Variants in PNPLA8 observed in about 807,000 individuals in gnomAD.
PNPLA8 encodes the protein patatin like domain 8, phospholipase A2.
PNPLA8 carries 39 observed loss-of-function variants against 76.9 expected under a neutral mutation model. The ratio of observed to expected loss-of-function variants is 0.51; its 90% CI spans 0.39 to 0.66. PNPLA8 has a LOEUF of 0.66. Among genes scored for constraint, PNPLA8 ranks in the 30% least tolerant of loss-of-function variants. PNPLA8 has a pLI of 0.00. For missense variants in PNPLA8, 887 were observed against 918.0 expected (o/e 0.97, Z 0.44); for synonymous variants, 301 against 307.9 (o/e 0.98, Z 0.24).
chr7:108,480,723 T>C, intron 9 of PNPLA8: 1 of 421,908 alleles, frequency 2.4e-6, no homozygotes, highest in East Asian at 7.3e-5. Context: ...AGCAGCTCAT[T>C]TCATTGTAAA....
chr7:108,521,308 A>G (rs1048053329), intron 2 of PNPLA8, among the ~76,000 whole-genome samples, 168 bp downstream of exon 2: 1 of 152,226 alleles, frequency 6.6e-6, no homozygotes, highest in African/African-American at 2.4e-5. Flanking sequence ...TGTGCTAGCT[A>G]CAAACACACC....
intron 2 of PNPLA8, among the ~76,000 whole-genome samples, chr7:108,516,365 C>T (rs1055157882): frequency 6.6e-6 from 1 of 152,044 alleles, no homozygotes; most frequent in African/African-American, 2.4e-5. Flanking sequence ...TACAATGGGG[C>T]AAAAATAGTC....
chr7:108,511,056 A>AG lies in PNPLA8; in HGVS notation c.1206+3087_1206+3088insC, dbSNP rs370961829. ...CTCAAATTGGAAAAAAAAAAAAAAA[A>AG]AAAGAAAACTGGTAACTAAATACAA... On this transcript the variant is annotated intron_variant, in intron 4 of 10. Coordinates refer to ENST00000257694, the MANE Select transcript of PNPLA8 (RefSeq NM_001256007.3). 8.5e-3 allele frequency: 5,464 copies of AG among 643,750 alleles called. 21 individuals are homozygous for AG. Among genetic ancestry groups the AG allele is most frequent in the Non-Finnish European group, 0.011 (4,099 of 383,888 alleles). The allele number at this position is 643,750 out of a possible 1,614,324, so 39.9% of individuals were successfully genotyped here. A position where few individuals can be genotyped will look rare whatever the true frequency, so the allele number is the denominator to read the frequency against.
chr7:108,506,891 T>C (rs1862472053), intron 4 of PNPLA8, among the ~76,000 whole-genome samples: 2 of 152,184 alleles, frequency 1.3e-5, no homozygotes, highest in Admixed American at 6.5e-5. Context: ...ATGTATTTCA[T>C]GTGTGAAAAA....
At chr7:108,510,273 C>T in intron 4 of PNPLA8, 1 of 1,578,782 alleles carries the variant, frequency 6.3e-7, no homozygotes, top group Non-Finnish European at 8.6e-7. Flanking sequence ...CCTGCTGTGC[C>T]AGAAACCCTT....
chr7:108,502,592 A>C lies in PNPLA8; in HGVS notation c.1257T>G (p.Thr419=). ...AAATTTCTCTAACTGCAGCCTGAAG[A>C]GTTTCATCCTTAATTTGTCTCAGTC... is the stretch of plus-strand genomic sequence containing the variant. ...LLRLRQIKDE[T]LQAAVREILA... is the part of the protein sequence containing the mutation. The change falls in exon 5 of 11, where the codon ACT becomes ACG. Residue 419 remains threonine (T), a synonymous_variant. Coordinates refer to ENST00000257694, the MANE Select transcript of PNPLA8 (RefSeq NM_001256007.3). The C allele has an allele frequency of 6.2e-7, 1 of 1,611,744 alleles. No individual in the cohort carries two copies. Among genetic ancestry groups the C allele is most frequent in the African/African-American group, 1.3e-5 (1 of 74,978 alleles).
chr7:108,493,286 A>G (rs1861317125), intron 7 of PNPLA8, among the ~76,000 whole-genome samples: 1 of 152,170 alleles, frequency 6.6e-6, no homozygotes, highest in Admixed American at 6.5e-5. Context: ...ATGCAAAGAT[A>G]CTCTCATAAG....
chr7:108,512,265 T>TTA (rs1173945984), intron 4 of PNPLA8, among the ~76,000 whole-genome samples: 1 of 152,232 alleles, frequency 6.6e-6, no homozygotes, highest in Non-Finnish European at 1.5e-5. Context: ...AAATAAACTC[T>TTA]AATACATTAC....
rs745346862 is a variant in PNPLA8 at position 108,514,979 on chromosome 7, T to C, written c.513A>G (p.Pro171=). ...SDKSAEKSPF[P]EEKSHIIDKE... is the part of the protein sequence containing the mutation. ...TGTCTATAATGTGACTTTTCTCTTC[T>C]GGAAAAGGACTCTTTTCTGCTGATT... The change falls in exon 3 of 11, where the codon CCA becomes CCG. Residue 171 remains proline (P), a synonymous_variant. Coordinates refer to ENST00000257694, the MANE Select transcript of PNPLA8 (RefSeq NM_001256007.3). 1.4e-5 allele frequency: 23 copies of C among 1,608,496 alleles called. No individual in the cohort carries two copies. Among genetic ancestry groups the C allele is most frequent in the Non-Finnish European group, 1.5e-5 (18 of 1,179,410 alleles).
chr7:108,483,405 G>A (rs1860535444), intron 9 of PNPLA8, among the ~76,000 whole-genome samples: 1 of 152,170 alleles, frequency 6.6e-6, no homozygotes, highest in African/African-American at 2.4e-5. Context: ...ATTTTAGCAT[G>A]GGTGGTTTGT....
rs912647726 is a variant in PNPLA8 at position 108,514,670 on chromosome 7, C to T, written c.822G>A (p.Ala274=). The T allele has an allele frequency of 1.2e-5, 19 of 1,613,756 alleles. No individual in the cohort carries two copies. The Admixed American group carries it at 1.5e-4, about 13-fold the overall frequency. The change falls in exon 3 of 11, where the codon GCG becomes GCA. Residue 274 remains alanine (A), a synonymous_variant. Coordinates refer to ENST00000257694, the MANE Select transcript of PNPLA8 (RefSeq NM_001256007.3). ...TTGAAACTTGAAGAACATCAGGTATCGCAGAAGGACTTGTAGGCTTGTCCA... is the reference window on the plus strand; with the variant it reads ...TTGAAACTTGAAGAACATCAGGTATTGCAGAAGGACTTGTAGGCTTGTCCA... ...HTVDKPTSPS[A]IPDVLQVSTK...
At position 108,515,380 on chromosome 7, in the gene PNPLA8, A is replaced by G; in HGVS notation, c.112T>C (p.Tyr38His). 1 of 1,613,494 alleles carries G rather than the reference A, an allele frequency of 6.2e-7. No homozygotes were observed. Among genetic ancestry groups the G allele is most frequent in the South Asian group, 1.1e-5 (1 of 91,046 alleles). Residue 38 changes from tyrosine to histidine, a missense_variant, in exon 3 of 11, where the codon TAC becomes CAC. Tyr to His is a moderately conservative substitution (Grantham distance 83). Transcript: ENST00000257694. ...AGACTGATGTGGCTTATCCTCCAGT[A>G]ATGCTTAGGTGAGAACAAGAAATAC... is the stretch of plus-strand genomic sequence containing the variant. ...QLYFLFSPKH[Y>H]WRISHISLQR...
intron 4 of PNPLA8, among the ~76,000 whole-genome samples, chr7:108,506,080 T>A (rs985612300): frequency 6.6e-6 from 1 of 152,094 alleles, no homozygotes; most frequent in African/African-American, 2.4e-5. Context: ...CTGCTCAAAT[T>A]AAAAAGATTT....
At chr7:108,502,465 A>AG in intron 5 of PNPLA8, 26 bp downstream of exon 5, 1 of 1,470,018 alleles carries the variant, frequency 6.8e-7, no homozygotes. Flanking sequence ...AAAAAAAAAA[A>AG]AAAAGAATCA....
In PNPLA8 at chr7:108,514,783, C is replaced by G; in HGVS notation, c.709G>C (p.Glu237Gln). ...TTCCCCTCTTCTACCTTTTTATCTT[C>G]AAGTTCTGATTTGTCCCGGAAATGT... Reference protein sequence around the residue: ...NEHFRDKSELEDKKVEEGKLR... With the variant: ...NEHFRDKSELQDKKVEEGKLR... Residue 237 changes from glutamate (E) to glutamine (Q), a missense_variant, in exon 3 of 11, where the codon GAA becomes CAA. Glu to Gln is a conservative substitution (Grantham distance 29). Coordinates refer to ENST00000257694, the MANE Select transcript of PNPLA8 (RefSeq NM_001256007.3). 6.2e-7 allele frequency: 1 copy of G among 1,613,350 alleles called. No homozygotes were observed. Among genetic ancestry groups the G allele is most frequent in the African/African-American group, 1.3e-5 (1 of 74,978 alleles).
intron 1 of PNPLA8, among the ~76,000 whole-genome samples, chr7:108,523,004 A>T (rs957174575): frequency 6.6e-6 from 1 of 152,230 alleles, no homozygotes; most frequent in African/African-American, 2.4e-5. Context: ...TTGAGAGTAC[A>T]TTCAGCCAGA....
intron 2 of PNPLA8, among the ~76,000 whole-genome samples, chr7:108,516,866 C>G (rs1563987566): frequency 2.6e-5 from 4 of 152,010 alleles, no homozygotes; most frequent in African/African-American, 9.7e-5. Context: ...CGTGCCACTG[C>G]ACTCCAGCCT....
intron 4 of PNPLA8, among the ~76,000 whole-genome samples, chr7:108,506,969 A>T (rs1423678896): frequency 6.6e-6 from 1 of 152,178 alleles, no homozygotes; most frequent in Non-Finnish European, 1.5e-5. Flanking sequence ...AAGTTTTTTA[A>T]TAAACCCAAA....
chr7:108,524,368 C>A (rs1457718899), intron 1 of PNPLA8, among the ~76,000 whole-genome samples: 1 of 151,936 alleles, frequency 6.6e-6, no homozygotes, highest in Non-Finnish European at 1.5e-5. Flanking sequence ...TGAGTGCCAC[C>A]CAGAGCTAGG....
Sources: gnomAD v4.1 joint callset for allele counts (sites outside exome capture counted in the v4.1 genomes callset) on GRCh38, gnomAD v4.1.1 for gene constraint, MANE v1.5 for transcripts, NCBI Gene and HGNC (gene_info 2026-07-23, HGNC 2026-07-21) for gene names.